DMXL2: variants seen among roughly 807,000 people sequenced by gnomAD.
The protein encoded by DMXL2 is Dmx like 2, also known as dmX-like protein 2.
A neutral mutation model predicts 331.1 loss-of-function variants in DMXL2; 103 were observed. The observed-to-expected ratio is 0.31, with a 90% confidence interval of 0.27 to 0.37. DMXL2 has a LOEUF of 0.37. DMXL2 is among the 10% of genes least tolerant of loss of function. The pLI is 1.00. For synonymous variants in DMXL2, 1,281 were observed against 1,252.1 expected, an observed-to-expected ratio of 1.02 and a Z score of -0.49; for missense variants, 3,171 against 3,642.9, an observed-to-expected ratio of 0.87 and a Z score of 3.33.
chr15:51,473,787 A>G (rs2041329756), intron 28 of DMXL2, among the ~76,000 whole-genome samples: 1 of 152,244 alleles, frequency 6.6e-6, no homozygotes, highest in Non-Finnish European at 1.5e-5. Flanking sequence ...GAAGAAACAC[A>G]CAAGGAAAAT....
At chr15:51,473,839 G>T (rs2140322652) in intron 28 of DMXL2, among the ~76,000 whole-genome samples, 1 of 152,182 alleles carries the variant, frequency 6.6e-6, no homozygotes, top group East Asian at 1.9e-4. Flanking sequence ...AACCTATTTT[G>T]GAGAATAAAA....
chr15:51,488,609 A>T lies in DMXL2; in HGVS notation c.4990T>A (p.Leu1664Ile). The T allele has an allele frequency of 6.2e-7, 1 of 1,613,046 alleles. No individual in the cohort carries two copies. The change falls in exon 21 of 44, where the codon TTA becomes ATA. Residue 1664 changes from leucine (L) to isoleucine (I), a missense_variant. Physicochemically the swap from Leu to Ile is conservative, Grantham distance 5. Around this residue, in one of 7 missense-constraint regions of DMXL2, gnomAD observed 252 missense variants for 387.4 expected, o/e 0.65. Coordinates refer to ENST00000560891, the MANE Select transcript of DMXL2 (RefSeq NM_001378457.1). The stretch of plus-strand genomic sequence containing the variant: ...GAAAGGTAGAATAGTGCAGCATCTA[A>T]GGCATCATTGTTCCTTTGAAAAGAA... ...KASFQRNNDALDAALFYLSMK... is the reference protein window; with the variant it reads ...KASFQRNNDAIDAALFYLSMK...
At chr15:51,518,264 C>T (rs1426586819) in intron 13 of DMXL2, among the ~76,000 whole-genome samples, 6 of 152,010 alleles carry the variant, frequency 3.9e-5, no homozygotes, top group Middle Eastern at 3.4e-3. Flanking sequence ...ACCTGGGAGG[C>T]GGAGGTTGCA....
At chr15:51,450,505 T>C (rs2039039464) in intron 42 of DMXL2, 159 bp from the exon 43 acceptor site, 1 of 716,694 alleles carries the variant, frequency 1.4e-6, no homozygotes, top group African/African-American at 1.8e-5. Context: ...AATCACATGA[T>C]TAAAGAAAAA....
rs1292227420 is a variant in DMXL2, at chr15:51,585,083, A to C, written c.88-8902T>G. Among the ~76,000 whole-genome samples the C allele has an allele frequency of 3.9e-4, 11 of 27,980 alleles. 1 individual carries two copies. In the East Asian group the frequency reaches 7.6e-3, roughly 19 times the overall value. The allele number at this position is 27,980 out of a possible 152,430, so 18.4% of individuals were successfully genotyped here. On this transcript the variant is annotated intron_variant, in intron 1 of 43. Coordinates refer to ENST00000560891, the MANE Select transcript of DMXL2 (RefSeq NM_001378457.1). ...ATCATGTCGTCTGCAAACAGGGACA[A>C]TTTGACTTCCTCTTTTCCTAATTGA... is the stretch of plus-strand genomic sequence containing the variant.
In DMXL2 at chr15:51,491,627, A is replaced by G; in HGVS notation, c.4904T>C (p.Ile1635Thr). The G allele has an allele frequency of 6.2e-7, 1 of 1,613,144 alleles. No homozygotes were observed. Among genetic ancestry groups the G allele is most frequent in the Non-Finnish European group, 8.5e-7 (1 of 1,179,688 alleles). Residue 1635 changes from isoleucine (I) to threonine (T), a missense_variant, in exon 20 of 44, where the codon ATA (isoleucine) becomes ACA (threonine). This residue lies in a region of DMXL2 where 252 missense variants were observed against 387.4 expected (regional missense o/e 0.65). Coordinates refer to ENST00000560891, the MANE Select transcript of DMXL2 (RefSeq NM_001378457.1). Reference sequence around the variant, plus strand: ...GTTAATGTTCCTCACCCACCATCCTATGCCCATAGCTCTTAATTCAGACCA... The same window carrying G: ...GTTAATGTTCCTCACCCACCATCCTGTGCCCATAGCTCTTAATTCAGACCA... ...PQWSELRAMG[I>T]GWWVRNINTL...
rs995365167 is a variant in DMXL2, at chr15:51,622,655, C to A, written c.-110G>T. 1 of 1,449,672 alleles carries A rather than the reference C, an allele frequency of 6.9e-7. No homozygotes were observed. The highest frequency in any genetic ancestry group is 9.1e-7 in the Non-Finnish European group (1 of 1,096,512). 89.8% of individuals were successfully genotyped at this position (1,449,672 alleles called of 1,614,324 possible). A position where few individuals can be genotyped will look rare whatever the true frequency, so the allele number is the denominator to read the frequency against. ...CTCTGTGCCTCCCTCGGAAACCCGC[C>A]CCGCGGAGGCTCTGGCTTAACTCCT... On this transcript the variant is annotated 5_prime_UTR_variant, in exon 1 of 44. Coordinates refer to ENST00000560891, the MANE Select transcript of DMXL2 (RefSeq NM_001378457.1).
At chr15:51,573,491 A>G (rs901327057) in intron 2 of DMXL2, among the ~76,000 whole-genome samples, 2 of 152,242 alleles carry the variant, frequency 1.3e-5, no homozygotes, top group African/African-American at 4.8e-5. Context: ...TGTGGCACAT[A>G]TACACCATGG....
At chr15:51,462,484 C>T (rs946253426) in intron 33 of DMXL2, among the ~76,000 whole-genome samples, 3 of 152,116 alleles carry the variant, frequency 2.0e-5, no homozygotes, top group South Asian at 4.2e-4. Flanking sequence ...TACAGACATG[C>T]GCCACCACGC....
chr15:51,616,237 G>A (rs2054276046), intron 1 of DMXL2, among the ~76,000 whole-genome samples: 1 of 152,046 alleles, frequency 6.6e-6, no homozygotes, highest in Non-Finnish European at 1.5e-5. Flanking sequence ...ATCTGAAAGA[G>A]ATAAATGATA....
chr15:51,458,535 G>T lies in DMXL2; in HGVS notation c.8169C>A (p.Ile2723=), dbSNP rs79159118. The change falls in exon 36 of 44, where the codon ATC becomes ATA. Residue 2723 remains isoleucine (I), a synonymous_variant. Coordinates refer to ENST00000560891, the MANE Select transcript of DMXL2 (RefSeq NM_001378457.1). ...TGGATTCTCTGTCATATTCTTCTCC[G>T]ATCCATATGTATGACTGACAGGCCA... is the stretch of plus-strand genomic sequence containing the variant. ...SLLACQSYIW[I]GEEYDRESKS... The T allele has an allele frequency of 6.2e-6, 10 of 1,613,720 alleles. No homozygotes were observed. The highest frequency in any genetic ancestry group is 8.5e-6 in the Non-Finnish European group (10 of 1,179,816).
intron 17 of DMXL2, among the ~76,000 whole-genome samples, chr15:51,502,228 GTC>G: frequency 9.2e-6 from 1 of 109,014 alleles, no homozygotes. Flanking sequence ...GTGAGACTCC[GTC>G]TAAAAAAAAA....
In DMXL2 at chr15:51,591,113, G is replaced by A. The variant is rs371559441; in HGVS notation, c.88-14932C>T. Among the ~76,000 whole-genome samples, 12 of 152,316 alleles carry A rather than the reference G, an allele frequency of 7.9e-5. No individual in the cohort carries two copies. In the East Asian group the frequency reaches 9.7e-4, roughly 12 times the overall value. On this transcript the variant is annotated intron_variant, in intron 1 of 43. Coordinates refer to ENST00000560891, the MANE Select transcript of DMXL2 (RefSeq NM_001378457.1). ...GGACAGTGGATGCAGTGCACCGAAC[G>A]TGAACCGAAGCAGGGCGAGGCATCG...
Position 51,622,574 on chromosome 15 carries a change from C to A in DMXL2, c.-29G>T. 1 of 1,539,154 alleles carries A rather than the reference C, an allele frequency of 6.5e-7. No homozygotes were observed. The highest frequency in any genetic ancestry group is 8.8e-7 in the Non-Finnish European group (1 of 1,140,116). The stretch of plus-strand genomic sequence containing the variant: ...CGGAGCCCGGGCTGGACAGAATGCG[C>A]GGGAGGTGCGACAAGCTCCGCGCCT... On this transcript the variant is annotated 5_prime_UTR_variant, in exon 1 of 44. Coordinates refer to ENST00000560891, the MANE Select transcript of DMXL2 (RefSeq NM_001378457.1).
At chr15:51,500,673 C>A (rs749373323) in intron 17 of DMXL2, among the ~76,000 whole-genome samples, 28 of 152,192 alleles carry the variant, frequency 1.8e-4, no homozygotes, top group Admixed American at 6.5e-5. Context: ...ATGCCCCTAA[C>A]CTTCTCTCAA....
chr15:51,489,905 A>G (rs1263186456), intron 20 of DMXL2, among the ~76,000 whole-genome samples: 2 of 152,346 alleles, frequency 1.3e-5, no homozygotes, highest in South Asian at 4.1e-4. Context: ...GAAATAAATC[A>G]TGTGTATATT....
At chr15:51,454,746 C>T (rs533739917) in intron 40 of DMXL2, among the ~76,000 whole-genome samples, 2 of 152,214 alleles carry the variant, frequency 1.3e-5, no homozygotes, top group Admixed American at 6.5e-5. Context: ...CTGCCCGCCT[C>T]GGCCTCCCAA....
At chr15:51,510,260 T>A (rs1200268179) in intron 15 of DMXL2, among the ~76,000 whole-genome samples, 1 of 152,160 alleles carries the variant, frequency 6.6e-6, no homozygotes, top group Non-Finnish European at 1.5e-5. Flanking sequence ...AGAGAGGAAG[T>A]CAAATTGTCT....
intron 29 of DMXL2, among the ~76,000 whole-genome samples, chr15:51,470,447 A>T (rs2040995575): frequency 6.6e-6 from 1 of 152,138 alleles, no homozygotes; most frequent in South Asian, 2.1e-4. Context: ...TCTTTAGATA[A>T]CAAAACAAAG....
Sources: allele counts gnomAD v4.1 joint callset (sites outside exome capture counted in the v4.1 genomes callset), GRCh38; gene constraint gnomAD v4.1.1; regional missense constraint gnomAD v4.1.1; transcripts MANE v1.5; gene names NCBI Gene and HGNC (gene_info 2026-07-23, HGNC 2026-07-21).